The following CNOT3 variants were observed in gnomAD, a reference collection of about 807,000 sequenced individuals.
CNOT3 encodes CCR4-associated factor 3.
A neutral mutation model predicts 89.4 loss-of-function variants in CNOT3; 2 were observed. The observed-to-expected ratio is 0.02, with a 90% CI of 0.01 to 0.07. The LOEUF is 0.07. CNOT3 is among the 10% of genes least tolerant of loss of function. CNOT3 has a pLI of 1.00. For missense variants in CNOT3, 664 were observed against 1,010.2 expected (o/e 0.66, Z 4.65); for synonymous variants, 486 against 402.0 (o/e 1.21, Z -2.50).
At chr19:54,154,282 A>G (rs1308161083) in intron 17 of CNOT3, 2 of 335,354 alleles carry the variant, frequency 6.0e-6, no homozygotes, top group Non-Finnish European at 1.2e-5. Flanking sequence ...TTTTTTTTGA[A>G]TGGGCTTCTC....
chr19:54,151,021 CCT>C (rs776548094), intron 13 of CNOT3, among the ~76,000 whole-genome samples: 2 of 152,040 alleles, frequency 1.3e-5, no homozygotes, highest in Non-Finnish European at 2.9e-5. Flanking sequence ...GAACTCCGAA[CCT>C]CAGGTGATCC....
At chr19:54,147,983 A>G (rs1487148766) in intron 10 of CNOT3, among the ~76,000 whole-genome samples, 165 bp from the exon 11 acceptor site, 19 of 152,136 alleles carry the variant, frequency 1.2e-4, no homozygotes, top group Admixed American at 1.2e-3. Context: ...GATTGAAGCC[A>G]TGAGGGTGAG....
intron 10 of CNOT3, among the ~76,000 whole-genome samples, chr19:54,147,247 C>T (rs1175459816): frequency 6.6e-6 from 1 of 152,238 alleles, no homozygotes; most frequent in African/African-American, 2.4e-5. Flanking sequence ...AACGCTGCTA[C>T]AGAACAATGT....
At chr19:54,155,087 C>A (rs2075339099) in intron 17 of CNOT3, 1 of 573,892 alleles carries the variant, frequency 1.7e-6, no homozygotes, top group African/African-American at 1.9e-5. Flanking sequence ...TTCGGTGGAA[C>A]CTCTGCGGCC....
intron 13 of CNOT3, among the ~76,000 whole-genome samples, chr19:54,151,489 A>T (rs1231491570): frequency 2.6e-5 from 4 of 152,212 alleles, no homozygotes; most frequent in Admixed American, 2.0e-4. Flanking sequence ...GGATAGCTTG[A>T]GCCCAGGAGT....
At chr19:54,155,030 G>A in intron 17 of CNOT3, 1 of 514,298 alleles carries the variant, frequency 1.9e-6, no homozygotes, top group Non-Finnish European at 3.5e-6. Context: ...AGGAAACGAA[G>A]GCTGTGCACT....
intron 1 of CNOT3, among the ~76,000 whole-genome samples, chr19:54,139,353 T>A (rs192357972): frequency 1.2e-4 from 18 of 152,278 alleles, no homozygotes; most frequent in Admixed American, 1.2e-3. Context: ...GTTTGTTGAC[T>A]TCCCATCTAC....
chr19:54,153,990 C>G (rs746505750), intron 17 of CNOT3, 150 bp downstream of exon 17: 1 of 982,694 alleles, frequency 1.0e-6, no homozygotes, highest in Non-Finnish European at 1.6e-6. Context: ...CTCTGGCTGT[C>G]TGCTCAGCCT....
At chr19:54,141,003 G>A (rs2074426536) in intron 1 of CNOT3, among the ~76,000 whole-genome samples, 1 of 152,172 alleles carries the variant, frequency 6.6e-6, no homozygotes, top group African/African-American at 2.4e-5. Context: ...TTGGGTTCTT[G>A]GGATGGAAAG....
Position 54,144,071 on chromosome 19 carries a change from G to C in CNOT3, c.324G>C (p.Leu108=). The change falls in exon 6 of 18, where the codon CTG becomes CTC. Residue 108 remains leucine, a synonymous_variant. Coordinates refer to ENST00000221232, the MANE Select transcript of CNOT3 (RefSeq NM_014516.4). The surrounding 1 kb of genome is among the most constrained non-coding windows in gnomAD (Gnocchi z 4.8). The stretch of plus-strand genomic sequence containing the variant: ...CCAAAGCTTACAGCAAAGAGGGCCT[G>C]GGCCTGGCCCAGAAGGTAGATCCTG... ...TKTKAYSKEG[L]GLAQKVDPAQ... 1.2e-6 allele frequency: 2 copies of C among 1,602,968 alleles called. 1 individual carries two copies. The highest frequency in any genetic ancestry group is 2.2e-5 in the South Asian group (2 of 89,446).
intron 1 of CNOT3, chr19:54,142,514 T>C (rs2074494641): frequency 7.5e-6 from 2 of 267,718 alleles, no homozygotes; most frequent in East Asian, 8.7e-5. Flanking sequence ...TGACCTCTCC[T>C]AGCCACCTCT....
At chr19:54,150,598 C>G (rs1298683480) in intron 13 of CNOT3, among the ~76,000 whole-genome samples, 4 of 108,268 alleles carry the variant, frequency 3.7e-5, no homozygotes, top group Admixed American at 3.6e-4. Flanking sequence ...GCAGTGTGCG[C>G]GCCCAGGCTG....
Position 54,148,897 on chromosome 19 carries a change from C to T in CNOT3, c.1406+154C>T, listed in dbSNP as rs145637751. 3.2e-4 allele frequency among the ~76,000 whole-genome samples: 49 copies of T among 152,314 alleles called. No homozygotes were observed. The highest frequency in any genetic ancestry group is 5.9e-4 in the Non-Finnish European group (40 of 68,034). ...CCTCCATCTCCCTCGGGTGTTACAC[C>T]CCCACTTCTTTCCAGCAAGGAAACT... On this transcript the variant is annotated intron_variant, in intron 12 of 17. Coordinates refer to ENST00000221232, the MANE Select transcript of CNOT3 (RefSeq NM_014516.4). This position sits in a 1 kb window ranked among gnomAD's most constrained non-coding sequence, Gnocchi z 6.3.
chr19:54,146,591 C>T lies in CNOT3; in HGVS notation c.838-10C>T. 2 of 1,411,986 alleles carry T rather than the reference C, an allele frequency of 1.4e-6. No homozygotes were observed. Among genetic ancestry groups the T allele is most frequent in the East Asian group, 2.3e-5 (1 of 43,912 alleles). The allele number at this position is 1,411,986 out of a possible 1,614,324, so 87.5% of individuals were successfully genotyped here. On this transcript the variant is annotated splice_polypyrimidine_tract_variant and intron_variant, in intron 9 of 17. Coordinates refer to ENST00000221232, the MANE Select transcript of CNOT3 (RefSeq NM_014516.4). ...TCACACAGGTTTCTATTCTGCCTCCCCTACCTCAGGAAAACTCTGAAGATG... is the reference window on the plus strand; with the variant it reads ...TCACACAGGTTTCTATTCTGCCTCCTCTACCTCAGGAAAACTCTGAAGATG...
In CNOT3 at chr19:54,148,309, C is replaced by A; in HGVS notation, c.1056C>A (p.Ala352=). Residue 352 remains alanine, a synonymous_variant, in exon 11 of 18, where the codon GCC becomes GCA. Coordinates refer to ENST00000221232, the MANE Select transcript of CNOT3 (RefSeq NM_014516.4). This position sits in a 1 kb window ranked among gnomAD's most constrained non-coding sequence, Gnocchi z 6.3. ...CCGCCCCCGCAGCACCCCCAAGTGC[C>A]CTGGGCCCCAAGGCCAGTCCAGCTC... ...GVPAPAAPPS[A]LGPKASPAPS... is the part of the protein sequence containing the mutation. 1 of 1,607,438 alleles carries A rather than the reference C, an allele frequency of 6.2e-7. No individual in the cohort carries two copies. Among genetic ancestry groups the A allele is most frequent in the Non-Finnish European group, 8.5e-7 (1 of 1,176,502 alleles).
At chr19:54,138,434 C>T (rs2074308303) in intron 1 of CNOT3, among the ~76,000 whole-genome samples, 1 of 152,080 alleles carries the variant, frequency 6.6e-6, no homozygotes, top group African/African-American at 2.4e-5. Context: ...CAGGTGCCTG[C>T]CCCCCTCGGC....
intron 1 of CNOT3, among the ~76,000 whole-genome samples, chr19:54,138,457 C>A (rs587687359): frequency 8.7e-4 from 132 of 152,184 alleles, no homozygotes; most frequent in African/African-American, 3.2e-3. Context: ...CGGTCCTTCG[C>A]GTTGTGGGGC....
rs78341745 is a variant in CNOT3, at chr19:54,146,744, G to A, written c.894+87G>A. ...TCTTGAGGCCTGAGCGCCGGCCACTGTGCTGGGCTGGTGGACACAGGTGGC... is the reference window on the plus strand; with the variant it reads ...TCTTGAGGCCTGAGCGCCGGCCACTATGCTGGGCTGGTGGACACAGGTGGC... On this transcript the variant is annotated intron_variant, in intron 10 of 17. Transcript: ENST00000221232. 1.2e-5 allele frequency: 10 copies of A among 807,326 alleles called. No homozygotes were observed. The South Asian group carries it at 1.3e-4, about 11-fold the overall frequency. 50.0% of individuals were successfully genotyped at this position (807,326 alleles called of 1,614,324 possible).
chr19:54,143,979 C>T (rs1177672954), intron 5 of CNOT3, 27 bp from the exon 6 acceptor site: 2 of 1,584,058 alleles, frequency 1.3e-6, no homozygotes, highest in Non-Finnish European at 1.7e-6. Flanking sequence ...CCTTTGAGAG[C>T]CCCCCTGCCA....
Sources: gnomAD v4.1 joint callset for allele counts (sites outside exome capture counted in the v4.1 genomes callset) on GRCh38, gnomAD v4.1.1 for gene constraint, Gnocchi (gnomAD v3.1) non-coding constraint, MANE v1.5 for transcripts, NCBI Gene and HGNC (gene_info 2026-07-23, HGNC 2026-07-21) for gene names.